Variants in SV2C observed in about 807,000 individuals in gnomAD.
The protein encoded by SV2C is synaptic vesicle glycoprotein 2C, also known as solute carrier family 22 member B3.
Under a neutral mutation model 79.7 loss-of-function variants are expected in SV2C, and 49 were observed. The observed-to-expected ratio is 0.61, with a 90% CI of 0.49 to 0.78. The LOEUF (loss-of-function observed/expected upper bound fraction) is 0.78. SV2C is among the 30% of genes least tolerant of loss of function. SV2C has a pLI of 0.00. For missense variants in SV2C, 833 were observed against 912.9 expected, an observed-to-expected ratio of 0.91 and a Z score of 1.13; for synonymous variants, 334 against 333.2, an observed-to-expected ratio of 1.00 and a Z score of -0.03.
chr5:76,033,315 C>G, the SV2C span, among the ~76,000 whole-genome samples: 2 of 152,034 alleles, frequency 1.3e-5, no homozygotes, highest in African/African-American at 2.4e-5. Flanking sequence ...GACATGAAGT[C>G]CTTGCCCATG....
the SV2C span, among the ~76,000 whole-genome samples, chr5:75,968,008 G>T: frequency 1.3e-5 from 2 of 152,114 alleles, no homozygotes; most frequent in African/African-American, 4.8e-5. Flanking sequence ...GCATTTGTGG[G>T]TTCACCAATA....
Position 76,173,068 on chromosome 5 carries a change from C to CA in SV2C, c.581-21838dup, listed in dbSNP as rs200424377. ...TAAAAAAATAAATTAAAAAAAAATA[C>CA]AAAAAAAAAAAAATTAAAAAAACTA... On this transcript the variant is annotated intron_variant, in intron 2 of 12. Transcript: ENST00000502798. 2.6e-3 allele frequency among the ~76,000 whole-genome samples: 342 copies of CA among 131,058 alleles called. 8 individuals carry two copies. The highest frequency in any genetic ancestry group is 6.5e-3 in the African/African-American group (243 of 37,182). 86.0% of individuals were successfully genotyped at this position (131,058 alleles called of 152,430 possible). A position where few individuals can be genotyped will look rare whatever the true frequency, so the allele number is the denominator to read the frequency against.
the SV2C span, among the ~76,000 whole-genome samples, chr5:75,864,319 TCCATCC>T: frequency 2.8e-5 from 4 of 143,438 alleles, no homozygotes; most frequent in African/African-American, 1.2e-4. Context: ...ACTCCATCCA[TCCATCC>T]ATCCATCCAT....
At chr5:76,134,367 C>T (rs1026043578) in intron 2 of SV2C, among the ~76,000 whole-genome samples, 2 of 152,184 alleles carry the variant, frequency 1.3e-5, no homozygotes, top group Non-Finnish European at 2.9e-5. Flanking sequence ...TGCATTCTAA[C>T]AGAGTCTTTT....
the SV2C span, among the ~76,000 whole-genome samples, chr5:75,876,130 T>C: frequency 1.3e-5 from 2 of 150,774 alleles, no homozygotes; most frequent in South Asian, 4.2e-4. Flanking sequence ...GAATATTCAC[T>C]GCAATGCTAC....
At chr5:76,048,864 A>G in the SV2C span, among the ~76,000 whole-genome samples, 67,793 of 119,150 alleles carry the variant, frequency 0.57, 21,331 homozygotes, top group African/African-American at 0.82. Flanking sequence ...GAAGGGGGTG[A>G]GAGAGAGAGA....
Position 76,174,235 on chromosome 5 carries a change from G to A in SV2C, c.581-20684G>A, listed in dbSNP as rs1027900671. 45 of 1,572,874 alleles carry A rather than the reference G, an allele frequency of 2.9e-5. No homozygotes were observed. In the Admixed American group the frequency reaches 5.3e-4, roughly 19 times the overall value. ...TCTGCGAACCTCTCACGCTGTCACC[G>A]GGTCTCTGCAGCCAGCGTCGCCCCG... On this transcript the variant is annotated intron_variant, in intron 2 of 12. Coordinates refer to ENST00000502798, the MANE Select transcript of SV2C (RefSeq NM_014979.4).
chr5:76,048,967 GAA>G, the SV2C span, among the ~76,000 whole-genome samples: 1 of 54,286 alleles, frequency 1.8e-5, no homozygotes, highest in South Asian at 1.0e-3. Context: ...AAGAAAAAGA[GAA>G]AGAAAGAAAG....
At chr5:75,902,144 C>T in the SV2C span, among the ~76,000 whole-genome samples, 4 of 152,220 alleles carry the variant, frequency 2.6e-5, no homozygotes, top group Non-Finnish European at 5.9e-5. Flanking sequence ...AACCCGGTAC[C>T]TCAGATGGAA....
chr5:75,963,865 T>C, the SV2C span, among the ~76,000 whole-genome samples: 10 of 152,146 alleles, frequency 6.6e-5, no homozygotes, highest in Admixed American at 3.9e-4. Context: ...CTTCTCTTTT[T>C]TTCTTTTTGT....
intron 12 of SV2C, among the ~76,000 whole-genome samples, chr5:76,318,207 C>G (rs2112555754): frequency 6.6e-6 from 1 of 152,322 alleles, no homozygotes; most frequent in African/African-American, 2.4e-5. Flanking sequence ...ATCATGAGGT[C>G]AGGAGTTCGA....
the SV2C span, among the ~76,000 whole-genome samples, chr5:76,013,418 G>A: frequency 5.3e-5 from 8 of 152,166 alleles, no homozygotes; most frequent in East Asian, 1.5e-3. Flanking sequence ...GTCTATTATT[G>A]GTGTATAAGA....
chr5:76,082,535 CCT>C (rs746360904), upstream of SV2C: 15 of 151,856 alleles, frequency 9.9e-5, no homozygotes, highest in Admixed American at 2.6e-4. Flanking sequence ...TCTCTTCTCT[CCT>C]CTCTCTTTCT....
chr5:76,072,093 T>C, the SV2C span, among the ~76,000 whole-genome samples: 1 of 152,076 alleles, frequency 6.6e-6, no homozygotes, highest in Non-Finnish European at 1.5e-5. Flanking sequence ...TGTTTGTTTG[T>C]TTTTTTAACT....
the SV2C span, among the ~76,000 whole-genome samples, chr5:75,986,705 C>T: frequency 4.8e-4 from 73 of 152,138 alleles, 2 homozygotes; most frequent in Admixed American, 4.7e-3. Context: ...TGGTTCCATT[C>T]ATAACCTCAT....
chr5:75,956,303 A>G, the SV2C span, among the ~76,000 whole-genome samples: 1 of 146,804 alleles, frequency 6.8e-6, no homozygotes, highest in Non-Finnish European at 1.5e-5. Flanking sequence ...AGAACAAAAA[A>G]CCAAACACTG....
intron 12 of SV2C, among the ~76,000 whole-genome samples, chr5:76,305,661 G>A (rs1026395330): frequency 1.3e-5 from 2 of 152,030 alleles, no homozygotes; most frequent in South Asian, 4.1e-4. Flanking sequence ...GGAAATTTTG[G>A]AATTAAATCT....
At chr5:75,910,491 G>T in the SV2C span, 38 of 611,190 alleles carry the variant, frequency 6.2e-5, no homozygotes, top group African/African-American at 6.9e-4. Context: ...TATAGCTTGT[G>T]GTCTTCTGCC....
chr5:75,911,009 A>G, the SV2C span: 7 of 1,035,248 alleles, frequency 6.8e-6, no homozygotes, highest in East Asian at 2.4e-5. Context: ...TACCTCACCT[A>G]CTAGTCCCTC....
Sources: gnomAD v4.1 joint callset for allele counts (sites outside exome capture counted in the v4.1 genomes callset) on GRCh38, gnomAD v4.1.1 for gene constraint, MANE v1.5 for transcripts, NCBI Gene and HGNC (gene_info 2026-07-23, HGNC 2026-07-21) for gene names.